Variants in NXPH1 observed in about 807,000 individuals in gnomAD.
NXPH1 encodes neurexophilin 1, also known as neurexophilin-1.
Under a neutral mutation model 23.7 loss-of-function variants are expected in NXPH1, and 5 were observed. That is an observed-to-expected ratio of 0.21 (90% CI 0.11 to 0.44). The LOEUF (loss-of-function observed/expected upper bound fraction) is 0.44, where lower values mean the gene tolerates loss of function less well. Ranked by LOEUF, NXPH1 falls within the 20% of genes least tolerant of loss-of-function variation. The pLI is 0.99. For synonymous variants in NXPH1, 144 were observed against 122.2 expected (o/e 1.18, Z -1.18); for missense variants, 324 against 321.6 (o/e 1.01, Z -0.06).
intron 2 of NXPH1, among the ~76,000 whole-genome samples, chr7:8,688,478 G>A (rs1360039762): frequency 6.6e-6 from 1 of 152,012 alleles, no homozygotes; most frequent in Non-Finnish European, 1.5e-5. Flanking sequence ...TATCTTCCTT[G>A]CTTTAGGCCA....
At chr7:8,527,685 CT>C (rs1817885870) in intron 2 of NXPH1, among the ~76,000 whole-genome samples, 1 of 152,184 alleles carries the variant, frequency 6.6e-6, no homozygotes, top group African/African-American at 2.4e-5. Context: ...GAGAAATGAA[CT>C]TGTTGAAATT....
intron 2 of NXPH1, among the ~76,000 whole-genome samples, chr7:8,557,320 C>T (rs1247396567): frequency 6.6e-6 from 1 of 151,710 alleles, no homozygotes; most frequent in Non-Finnish European, 1.5e-5. Flanking sequence ...GATTAGACCC[C>T]TCTTCCTAAG....
At chr7:8,585,176 A>G (rs972033302) in intron 2 of NXPH1, among the ~76,000 whole-genome samples, 3 of 152,196 alleles carry the variant, frequency 2.0e-5, no homozygotes, top group Non-Finnish European at 4.4e-5. Context: ...GTAACATGAA[A>G]TACTTCGTTT....
At chr7:8,504,706 T>A (rs796990444) in intron 2 of NXPH1, among the ~76,000 whole-genome samples, 4 of 152,066 alleles carry the variant, frequency 2.6e-5, no homozygotes, top group African/African-American at 9.6e-5. Context: ...GGATTTGGGG[T>A]ATTTGGGGTA....
chr7:8,541,298 A>G (rs1363059123), intron 2 of NXPH1, among the ~76,000 whole-genome samples: 1 of 151,736 alleles, frequency 6.6e-6, no homozygotes, highest in Non-Finnish European at 1.5e-5. Context: ...AAAATGAAAC[A>G]CAAGAGAAAA....
At chr7:8,491,771 A>G (rs1817251719) in intron 2 of NXPH1, among the ~76,000 whole-genome samples, 2 of 152,088 alleles carry the variant, frequency 1.3e-5, no homozygotes, top group Non-Finnish European at 2.9e-5. Context: ...GCACTGAAAT[A>G]TCTACATTCA....
At chr7:8,470,295 A>G (rs1188950952) in intron 2 of NXPH1, among the ~76,000 whole-genome samples, 1 of 152,164 alleles carries the variant, frequency 6.6e-6, no homozygotes, top group Non-Finnish European at 1.5e-5. Context: ...TTTGATGCAC[A>G]TATAAGTGAT....
At chr7:8,605,189 TA>T (rs1819457583) in intron 2 of NXPH1, among the ~76,000 whole-genome samples, 1 of 152,264 alleles carries the variant, frequency 6.6e-6, no homozygotes, top group African/African-American at 2.4e-5. Context: ...AAAGGTGATA[TA>T]AAAATGCAGT....
At chr7:8,484,680 G>T (rs911090167) in intron 2 of NXPH1, among the ~76,000 whole-genome samples, 1 of 152,064 alleles carries the variant, frequency 6.6e-6, no homozygotes, top group Non-Finnish European at 1.5e-5. Context: ...AAAACTCAAG[G>T]TATCACTTTT....
intron 2 of NXPH1, among the ~76,000 whole-genome samples, chr7:8,502,397 A>G (rs1227299820): frequency 6.6e-6 from 1 of 151,928 alleles, no homozygotes; most frequent in African/African-American, 2.4e-5. Flanking sequence ...TATGTTAAAG[A>G]TTAATTTAAC....
intron 2 of NXPH1, among the ~76,000 whole-genome samples, chr7:8,522,800 G>T (rs1379860295): frequency 6.6e-6 from 1 of 152,166 alleles, no homozygotes; most frequent in Non-Finnish European, 1.5e-5. Flanking sequence ...GGTGCACCCT[G>T]TCCTTCTGGT....
At chr7:8,543,399 C>T (rs527869538) in intron 2 of NXPH1, among the ~76,000 whole-genome samples, 30 of 151,648 alleles carry the variant, frequency 2.0e-4, no homozygotes, top group African/African-American at 4.8e-4. Context: ...TAGATAATTA[C>T]GACTAAAGCA....
chr7:8,659,936 A>G (rs1409850942), intron 2 of NXPH1, among the ~76,000 whole-genome samples: 1 of 152,248 alleles, frequency 6.6e-6, no homozygotes, highest in Admixed American at 6.5e-5. Flanking sequence ...CAGATAAACA[A>G]TTTGGGGACA....
At chr7:8,436,881 C>G (rs1357834859) in intron 2 of NXPH1, among the ~76,000 whole-genome samples, 1 of 152,228 alleles carries the variant, frequency 6.6e-6, no homozygotes, top group Non-Finnish European at 1.5e-5. Flanking sequence ...GCCATCCCTA[C>G]AATTGACAGC....
chr7:8,627,530 G>A (rs1820019501), intron 2 of NXPH1, among the ~76,000 whole-genome samples: 1 of 152,068 alleles, frequency 6.6e-6, no homozygotes, highest in African/African-American at 2.4e-5. Context: ...GGGGGAGAAA[G>A]GCCTGACACT....
chr7:8,650,596 T>G lies in NXPH1; in HGVS notation c.55-100412T>G, dbSNP rs186509784. Among the ~76,000 whole-genome samples, 532 of 152,342 alleles carry G rather than the reference T, an allele frequency of 3.5e-3. 5 individuals carry two copies. Among genetic ancestry groups the G allele is most frequent in the African/African-American group, 0.012 (517 of 41,578 alleles). On this transcript the variant is annotated intron_variant, in intron 2 of 2. Coordinates refer to ENST00000405863, the MANE Select transcript of NXPH1 (RefSeq NM_152745.3). ...GGTATTCTTGCAGCTTTCTCCTTTT[T>G]GTTTTTATTTTTCAAAATACTTGCA...
At chr7:8,605,064 T>G (rs181641703) in intron 2 of NXPH1, among the ~76,000 whole-genome samples, 6 of 152,288 alleles carry the variant, frequency 3.9e-5, no homozygotes, top group Admixed American at 2.0e-4. Context: ...TAGCTTTTCC[T>G]TTGTATTTTA....
chr7:8,666,852 T>G (rs571348129), intron 2 of NXPH1, among the ~76,000 whole-genome samples: 45 of 152,096 alleles, frequency 3.0e-4, no homozygotes, highest in Admixed American at 5.2e-4. Flanking sequence ...TCTTTTGTAT[T>G]TCTGTGGTAT....
chr7:8,592,168 G>C (rs1426865957), intron 2 of NXPH1, among the ~76,000 whole-genome samples: 1 of 151,954 alleles, frequency 6.6e-6, no homozygotes, highest in Non-Finnish European at 1.5e-5. Context: ...TTTAAGGGAA[G>C]ACCTGACAGG....
Sources: gnomAD v4.1 joint callset for allele counts (sites outside exome capture counted in the v4.1 genomes callset) on GRCh38, gnomAD v4.1.1 for gene constraint, MANE v1.5 for transcripts, NCBI Gene and HGNC (gene_info 2026-07-23, HGNC 2026-07-21) for gene names.